The following BNC2 variants were observed in gnomAD, a reference collection of about 807,000 sequenced individuals.
BNC2 encodes zinc finger protein basonuclin-2.
Under a neutral mutation model 76.3 loss-of-function variants are expected in BNC2, and 20 were observed. That is an observed-to-expected ratio of 0.26 (90% CI 0.18 to 0.38). The LOEUF is 0.38. BNC2 is among the 10% of genes least tolerant of loss of function. The probability of loss-of-function intolerance (pLI) is 1.00; values close to 1 mark genes in which losing one functional copy is unlikely to be tolerated. For missense variants in BNC2, 1,382 were observed against 1,399.8 expected (o/e 0.99, Z 0.20); for synonymous variants, 582 against 514.8 (o/e 1.13, Z -1.77).
At chr9:16,736,189 G>C (rs549860546) in intron 2 of BNC2, among the ~76,000 whole-genome samples, 59 of 149,106 alleles carry the variant, frequency 4.0e-4, no homozygotes, top group African/African-American at 1.4e-3. Context: ...ACCCAAGATC[G>C]CGCCACTGCA....
rs116600258 is a variant in BNC2 at position 16,649,801 on chromosome 9, A to G, written c.331-66716T>C. 6.8e-3 allele frequency among the ~76,000 whole-genome samples: 1,029 copies of G among 152,310 alleles called. 9 individuals carry two copies. Among genetic ancestry groups the G allele is most frequent in the African/African-American group, 0.023 (937 of 41,574 alleles). ...AGGCCAATGCTATAGAATCATAAAT[A>G]ATATAGCACAAACTTTGGCTCAGCC... On this transcript the variant is annotated intron_variant, in intron 3 of 6. Transcript: ENST00000380672.
chr9:16,506,511 C>CTTTTTTGTTTTTTTTT (rs1563814965), intron 5 of BNC2, among the ~76,000 whole-genome samples: 1 of 81,428 alleles, frequency 1.2e-5, no homozygotes, highest in African/African-American at 5.5e-5. Flanking sequence ...TCTCTCTCTC[C>CTTTTTTGTTTTTTTTT]TCTTTTTTTT....
Position 16,667,074 on chromosome 9 carries a change from T to TAC in BNC2, c.330+60721_330+60722dup, listed in dbSNP as rs1229856022. On this transcript the variant is annotated intron_variant, in intron 3 of 6. Coordinates refer to ENST00000380672, the MANE Select transcript of BNC2 (RefSeq NM_017637.6). Reference sequence around the variant, plus strand: ...TTCAGAAAAGCACACATCACTCAGATACACATACACACACACACACACACA... The same window carrying TAC: ...TTCAGAAAAGCACACATCACTCAGATACACACATACACACACACACACACACA... Among the ~76,000 whole-genome samples the TAC allele has an allele frequency of 9.7e-5, 14 of 144,848 alleles. No homozygotes were observed. In the East Asian group the frequency reaches 2.3e-3, roughly 23 times the overall value.
At chr9:16,434,230 A>C (rs1470854667) in intron 6 of BNC2, among the ~76,000 whole-genome samples, 1 of 152,220 alleles carries the variant, frequency 6.6e-6, no homozygotes, top group African/African-American at 2.4e-5. Flanking sequence ...AGAAAGGAAA[A>C]AAATATTCTT....
At chr9:16,486,216 G>A (rs541037262) in intron 5 of BNC2, among the ~76,000 whole-genome samples, 2 of 152,264 alleles carry the variant, frequency 1.3e-5, no homozygotes, top group Non-Finnish European at 2.9e-5. Flanking sequence ...TGATGATCCT[G>A]GCCTCTGTCA....
At chr9:16,581,711 G>C (rs1194619757) in intron 4 of BNC2, among the ~76,000 whole-genome samples, 1 of 152,126 alleles carries the variant, frequency 6.6e-6, no homozygotes, top group Admixed American at 6.5e-5. Context: ...TATATGAAGA[G>C]AGACGAAATC....
intron 3 of BNC2, among the ~76,000 whole-genome samples, chr9:16,687,032 C>T (rs1822999240): frequency 6.6e-6 from 1 of 151,950 alleles, no homozygotes; most frequent in South Asian, 2.1e-4. Flanking sequence ...CCTCATTTTC[C>T]TCTCAACACT....
At chr9:16,432,773 G>T (rs1188453721) in intron 6 of BNC2, among the ~76,000 whole-genome samples, 1 of 152,178 alleles carries the variant, frequency 6.6e-6, no homozygotes, top group Non-Finnish European at 1.5e-5. Context: ...ACAAAGGAGG[G>T]TTTCTGTTTG....
chr9:16,687,494 A>G (rs1242238950), intron 3 of BNC2, among the ~76,000 whole-genome samples: 1 of 152,184 alleles, frequency 6.6e-6, no homozygotes, highest in African/African-American at 2.4e-5. Flanking sequence ...CTCAGCTGAC[A>G]TATGGAAGGC....
intron 3 of BNC2, among the ~76,000 whole-genome samples, chr9:16,605,216 T>C (rs1820350422): frequency 6.6e-6 from 1 of 152,266 alleles, no homozygotes; most frequent in African/African-American, 2.4e-5. Context: ...AAAGATTTCA[T>C]GTTTTCAAGT....
At chr9:16,549,362 T>G (rs1818589007) in intron 5 of BNC2, among the ~76,000 whole-genome samples, 1 of 152,212 alleles carries the variant, frequency 6.6e-6, no homozygotes, top group Non-Finnish European at 1.5e-5. Flanking sequence ...CACCCTAACC[T>G]GCCTTGATAA....
At chr9:16,828,283 TTATATTTTATAGAA>T (rs1379405283) in intron 1 of BNC2, among the ~76,000 whole-genome samples, 2 of 152,182 alleles carry the variant, frequency 1.3e-5, no homozygotes, top group Non-Finnish European at 2.9e-5. Flanking sequence ...GAAATACTGA[TTATATTTTATAGAA>T]AAACCACAGC....
At chr9:16,860,122 A>AG (rs1183553253) in intron 1 of BNC2, among the ~76,000 whole-genome samples, 1 of 112,384 alleles carries the variant, frequency 8.9e-6, no homozygotes, top group Non-Finnish European at 2.3e-5. Flanking sequence ...ACTCCATCTC[A>AG]AAAAAAAAAA....
chr9:16,633,510 T>C (rs1389853423), intron 3 of BNC2, among the ~76,000 whole-genome samples: 7 of 152,362 alleles, frequency 4.6e-5, no homozygotes, highest in Admixed American at 2.0e-4. Flanking sequence ...TTCCAGCAAC[T>C]ACCTCAAATA....
At chr9:16,616,217 T>G (rs1229427302) in intron 3 of BNC2, among the ~76,000 whole-genome samples, 3 of 151,854 alleles carry the variant, frequency 2.0e-5, no homozygotes, top group Non-Finnish European at 4.4e-5. Flanking sequence ...TAAGACACTG[T>G]CTCTACATAA....
chr9:16,683,338 C>T (rs1247183848), intron 3 of BNC2, among the ~76,000 whole-genome samples: 7 of 152,136 alleles, frequency 4.6e-5, no homozygotes, highest in African/African-American at 7.2e-5. Flanking sequence ...AAAAGTAAAC[C>T]AGATTTCAGG....
chr9:16,712,351 A>G (rs1366023538), intron 3 of BNC2, among the ~76,000 whole-genome samples: 1 of 152,232 alleles, frequency 6.6e-6, no homozygotes, highest in East Asian at 1.9e-4. Flanking sequence ...TATAACCTAA[A>G]GCCAAAAATG....
chr9:16,736,189 G>A (rs549860546), intron 2 of BNC2, among the ~76,000 whole-genome samples: 7 of 149,006 alleles, frequency 4.7e-5, no homozygotes, highest in South Asian at 2.1e-4. Context: ...ACCCAAGATC[G>A]CGCCACTGCA....
At chr9:16,480,412 T>G (rs532432008) in intron 5 of BNC2, among the ~76,000 whole-genome samples, 1 of 152,346 alleles carries the variant, frequency 6.6e-6, no homozygotes, top group Non-Finnish European at 1.5e-5. Flanking sequence ...TTGGCGGCAC[T>G]TGAGGAGCCC....
Sources: gnomAD v4.1 joint callset for allele counts (sites outside exome capture counted in the v4.1 genomes callset) on GRCh38, gnomAD v4.1.1 for gene constraint, MANE v1.5 for transcripts, NCBI Gene and HGNC (gene_info 2026-07-23, HGNC 2026-07-21) for gene names.